APBB2: variants seen among roughly 807,000 people sequenced by gnomAD.
APBB2 encodes the protein amyloid beta precursor protein binding family B member 2, also known as Fe65-like 1.
APBB2 carries 38 observed loss-of-function variants against 82.5 expected under a neutral mutation model. The observed-to-expected ratio is 0.46, with a 90% CI of 0.36 to 0.60. The LOEUF (loss-of-function observed/expected upper bound fraction) is 0.60. Among genes scored for constraint, APBB2 ranks in the 20% least tolerant of loss-of-function variants. APBB2 has a pLI of 0.00. For synonymous variants in APBB2, 341 were observed against 368.2 expected, an observed-to-expected ratio of 0.93 and a Z score of 0.85; for missense variants, 772 against 972.3, an observed-to-expected ratio of 0.79 and a Z score of 2.74.
chr4:40,836,037 G>A (rs1364910853), intron 12 of APBB2, among the ~76,000 whole-genome samples: 2 of 152,170 alleles, frequency 1.3e-5, no homozygotes, highest in African/African-American at 4.8e-5. Flanking sequence ...GACGTGTGGG[G>A]TGCTTGTGCT....
In APBB2 at chr4:40,811,863, C is replaced by CAGTT. The variant is rs1744487943; in HGVS notation, c.*4225_*4228dup. 2.6e-5 allele frequency: 4 copies of CAGTT among 152,348 alleles called. No individual in the cohort carries two copies. In the South Asian group the frequency reaches 6.2e-4, roughly 24 times the overall value. The allele number at this position is 152,348 out of a possible 1,614,324, so 9.4% of individuals were successfully genotyped here. On this transcript the variant is annotated 3_prime_UTR_variant, in exon 18 of 18. Transcript: ENST00000508593. ...TGTTTATCTGCCTTCCTGCGCCTAA[C>CAGTT]AGTTAAGCTAAACCAGATTCAACTG...
intron 12 of APBB2, among the ~76,000 whole-genome samples, chr4:40,870,154 A>C (rs1274512799): frequency 1.3e-5 from 2 of 152,140 alleles, no homozygotes; most frequent in Non-Finnish European, 2.9e-5. Flanking sequence ...TTTAATAAAC[A>C]TTTGTCTGTT....
intron 12 of APBB2, chr4:40,880,068 C>T: frequency 1.0e-6 from 1 of 985,310 alleles, no homozygotes; most frequent in South Asian, 4.7e-5. Flanking sequence ...CACTTATGAC[C>T]CTTGCATGAA....
chr4:41,136,094 A>T (rs1366419029), intron 2 of APBB2, among the ~76,000 whole-genome samples: 1 of 152,230 alleles, frequency 6.6e-6, no homozygotes, highest in East Asian at 1.9e-4. Flanking sequence ...ATTGTACTAC[A>T]ACTCAAACTT....
intron 12 of APBB2, among the ~76,000 whole-genome samples, chr4:40,877,267 G>GCAAAC (rs1767173743): frequency 6.6e-6 from 1 of 152,252 alleles, no homozygotes; most frequent in Admixed American, 6.5e-5. Flanking sequence ...CCATCTGAGA[G>GCAAAC]CAAAGGTGGC....
chr4:40,837,378 G>A (rs1754308559), intron 12 of APBB2, among the ~76,000 whole-genome samples: 1 of 152,230 alleles, frequency 6.6e-6, no homozygotes, highest in African/African-American at 2.4e-5. Context: ...AGCACCAGGA[G>A]GGTCCCATCT....
At chr4:40,820,170 T>C (rs1747340908) in intron 17 of APBB2, among the ~76,000 whole-genome samples, 3 of 152,304 alleles carry the variant, frequency 2.0e-5, no homozygotes, top group Middle Eastern at 6.8e-3. Flanking sequence ...CATGCAGCAG[T>C]TCTCCCCCAG....
At chr4:41,159,913 G>GGAGAAGGAGA (rs1553969525) in intron 1 of APBB2, among the ~76,000 whole-genome samples, 9 of 22,676 alleles carry the variant, frequency 4.0e-4, no homozygotes, top group African/African-American at 5.5e-4. Context: ...GGAGAAGGAG[G>GGAGAAGGAGA]AGGAGGAGGA....
intron 3 of APBB2, among the ~76,000 whole-genome samples, chr4:41,075,271 C>A (rs1735286939): frequency 6.6e-6 from 1 of 152,162 alleles, no homozygotes; most frequent in Non-Finnish European, 1.5e-5. Context: ...TTACAGTAAT[C>A]TTTGATACAC....
chr4:41,000,040 T>G (rs1280966375), intron 6 of APBB2, among the ~76,000 whole-genome samples: 1 of 146,162 alleles, frequency 6.8e-6, no homozygotes, highest in East Asian at 2.0e-4. Context: ...CGTGTGTGTG[T>G]GTGTATGTAT....
At chr4:40,858,935 C>T (rs1023453447) in intron 12 of APBB2, among the ~76,000 whole-genome samples, 12 of 152,182 alleles carry the variant, frequency 7.9e-5, no homozygotes, top group Admixed American at 4.6e-4. Context: ...GGGTTTAAGA[C>T]TTGGGGTTCA....
chr4:40,967,168 G>A (rs1276895862), intron 6 of APBB2, among the ~76,000 whole-genome samples: 1 of 152,114 alleles, frequency 6.6e-6, no homozygotes, highest in Non-Finnish European at 1.5e-5. Flanking sequence ...CCTGGCTGTG[G>A]AGAGGAGCTA....
At chr4:40,937,557 G>GTGAT (rs957449107) in intron 7 of APBB2, among the ~76,000 whole-genome samples, 20 of 152,188 alleles carry the variant, frequency 1.3e-4, no homozygotes, top group Non-Finnish European at 2.9e-4. Flanking sequence ...GCTCTGTATA[G>GTGAT]TGATTTTACA....
chr4:41,143,216 T>G (rs1759734452), intron 1 of APBB2, 74 bp from the exon 2 acceptor site: 1 of 152,182 alleles, frequency 6.6e-6, no homozygotes, highest in South Asian at 2.1e-4. Context: ...GGGCACATAT[T>G]TGGCAGGATA....
At chr4:40,863,562 T>G (rs555803129) in intron 12 of APBB2, among the ~76,000 whole-genome samples, 4 of 152,092 alleles carry the variant, frequency 2.6e-5, no homozygotes, top group African/African-American at 9.6e-5. Flanking sequence ...CACGGACAAA[T>G]GAGCAGCATA....
chr4:41,066,197 C>A (rs1731751140), intron 3 of APBB2, among the ~76,000 whole-genome samples: 1 of 151,620 alleles, frequency 6.6e-6, no homozygotes, highest in Non-Finnish European at 1.5e-5. Flanking sequence ...CGACAATGGA[C>A]AGCTCAATGT....
intron 7 of APBB2, among the ~76,000 whole-genome samples, 171 bp downstream of exon 7, chr4:40,944,694 G>A (rs956230629): frequency 6.6e-6 from 1 of 152,112 alleles, no homozygotes; most frequent in African/African-American, 2.4e-5. Context: ...CCTGAAAGAT[G>A]GATATTAACA....
At chr4:40,883,813 T>A (rs1009387480) in intron 12 of APBB2, among the ~76,000 whole-genome samples, 3 of 152,166 alleles carry the variant, frequency 2.0e-5, no homozygotes, top group Non-Finnish European at 4.4e-5. Context: ...ACTCAAATGT[T>A]CCTTCTATGA....
chr4:41,162,365 T>C (rs1268782440), intron 1 of APBB2, among the ~76,000 whole-genome samples: 3 of 152,166 alleles, frequency 2.0e-5, no homozygotes, highest in Admixed American at 6.5e-5. Context: ...AATTGATTCA[T>C]TGATAAAATC....
Sources: gnomAD v4.1 joint callset for allele counts (sites outside exome capture counted in the v4.1 genomes callset) on GRCh38, gnomAD v4.1.1 for gene constraint, MANE v1.5 for transcripts, NCBI Gene and HGNC (gene_info 2026-07-23, HGNC 2026-07-21) for gene names.